The following NAV2 variants were observed in gnomAD, a reference collection of about 807,000 sequenced individuals.
The protein encoded by NAV2 is neuron navigator 2.
NAV2 carries 54 observed loss-of-function variants against 223.2 expected under a neutral mutation model. The ratio of observed to expected loss-of-function variants is 0.24; its 90% confidence interval spans 0.19 to 0.30. NAV2 has a LOEUF of 0.30. Ranked by LOEUF, NAV2 falls within the 10% of genes least tolerant of loss-of-function variation. The pLI, the probability that NAV2 is intolerant of heterozygous loss-of-function variation, is 1.00. For synonymous variants in NAV2, 1,279 were observed against 1,239.3 expected, an observed-to-expected ratio of 1.03 and a Z score of -0.67; for missense variants, 2,806 against 3,147.5, an observed-to-expected ratio of 0.89 and a Z score of 2.60.
chr11:20,030,817 A>C (rs918160373), intron 11 of NAV2, among the ~76,000 whole-genome samples: 12 of 152,370 alleles, frequency 7.9e-5, no homozygotes, highest in African/African-American at 2.9e-4. Flanking sequence ...TAAAAGTCTC[A>C]AGTAAAAAAT....
chr11:20,104,563 C>T (rs2061884614), intron 34 of NAV2: 1 of 152,402 alleles, frequency 6.6e-6, no homozygotes, highest in African/African-American at 2.4e-5. Flanking sequence ...CTTGTTCATG[C>T]TTTCCCCTAA....
At chr11:19,557,429 G>C (rs2044932959) in intron 1 of NAV2, among the ~76,000 whole-genome samples, 1 of 152,244 alleles carries the variant, frequency 6.6e-6, no homozygotes, top group African/African-American at 2.4e-5. Flanking sequence ...CCACTGTGAA[G>C]TAATCTCTTC....
chr11:19,704,315 G>A (rs1338579742), intron 1 of NAV2, among the ~76,000 whole-genome samples: 3 of 152,054 alleles, frequency 2.0e-5, no homozygotes, highest in Non-Finnish European at 4.4e-5. Flanking sequence ...AGTGCTGTGG[G>A]GATTCATTTA....
At chr11:19,585,130 G>A (rs1565074484) in intron 1 of NAV2, among the ~76,000 whole-genome samples, 1 of 152,278 alleles carries the variant, frequency 6.6e-6, no homozygotes, top group Non-Finnish European at 1.5e-5. Flanking sequence ...TTACCATTAT[G>A]TAATGGCCTT....
At chr11:19,993,606 A>G (rs766889574) in intron 11 of NAV2, among the ~76,000 whole-genome samples, 30 of 150,724 alleles carry the variant, frequency 2.0e-4, no homozygotes, top group Non-Finnish European at 4.1e-4. Flanking sequence ...CCAACGCCTT[A>G]TCATGCAGTT....
intron 1 of NAV2, among the ~76,000 whole-genome samples, chr11:19,516,309 A>G (rs2043445257): frequency 6.6e-6 from 1 of 152,134 alleles, no homozygotes; most frequent in Non-Finnish European, 1.5e-5. Context: ...TTTGAGCCCC[A>G]CAATACCGAA....
chr11:20,102,386 A>G (rs563486074), intron 32 of NAV2, among the ~76,000 whole-genome samples: 4 of 152,174 alleles, frequency 2.6e-5, no homozygotes, highest in Admixed American at 1.3e-4. Flanking sequence ...TGGTGAAGAC[A>G]CAGACTGGGG....
chr11:19,351,075 T>C, intron 1 of NAV2: 1 of 1,493,432 alleles, frequency 6.7e-7, no homozygotes, highest in Non-Finnish European at 9.1e-7. Context: ...TGCTGATTGC[T>C]AAGTGTGATT....
chr11:19,928,185 T>A (rs2044963319), intron 6 of NAV2, among the ~76,000 whole-genome samples: 1 of 149,746 alleles, frequency 6.7e-6, no homozygotes, highest in Admixed American at 6.7e-5. Context: ...GCGTGATTTT[T>A]GCCAAATCTG....
At chr11:19,904,854 G>A (rs2042737255) in intron 6 of NAV2, among the ~76,000 whole-genome samples, 1 of 152,174 alleles carries the variant, frequency 6.6e-6, no homozygotes, top group South Asian at 2.1e-4. Flanking sequence ...GATGCTACAG[G>A]TGAGGTTTCT....
rs2063334549 is a variant in NAV2, at chr11:20,118,883, T to C, written c.*625T>C. ...AAACCGTGCTTTCATGTTTTTTAAATGGTGCTTTCCTTACCCGAGAGGTAT... is the reference window on the plus strand; with the variant it reads ...AAACCGTGCTTTCATGTTTTTTAAACGGTGCTTTCCTTACCCGAGAGGTAT... On this transcript the variant is annotated 3_prime_UTR_variant, in exon 38 of 38. Coordinates refer to ENST00000349880, the MANE Select transcript of NAV2 (RefSeq NM_145117.5). 1 of 152,772 alleles carries C rather than the reference T, an allele frequency of 6.5e-6. No homozygotes were observed. Among genetic ancestry groups the C allele is most frequent in the Non-Finnish European group, 1.5e-5 (1 of 68,182 alleles). 9.5% of individuals were successfully genotyped at this position (152,772 alleles called of 1,614,324 possible).
intron 1 of NAV2, among the ~76,000 whole-genome samples, chr11:19,645,576 G>T: frequency 6.6e-6 from 1 of 152,124 alleles, no homozygotes; most frequent in Non-Finnish European, 1.5e-5. Flanking sequence ...CCCTAGTCTG[G>T]CAACTAACAA....
At chr11:19,401,571 G>A (rs1317207016) in intron 1 of NAV2, among the ~76,000 whole-genome samples, 2 of 152,278 alleles carry the variant, frequency 1.3e-5, no homozygotes, top group Middle Eastern at 3.4e-3. Flanking sequence ...ACAGAACGAT[G>A]CAGTTGAAGG....
intron 11 of NAV2, among the ~76,000 whole-genome samples, chr11:20,034,723 C>T (rs1402214610): frequency 1.3e-5 from 2 of 152,204 alleles, no homozygotes; most frequent in Non-Finnish European, 2.9e-5. Flanking sequence ...TACATATCTG[C>T]TACACCACAG....
chr11:19,819,844 T>C (rs1195875664), intron 1 of NAV2, among the ~76,000 whole-genome samples: 1 of 152,234 alleles, frequency 6.6e-6, no homozygotes, highest in Non-Finnish European at 1.5e-5. Context: ...AAAGCCTCAG[T>C]GTAGTCTGTG....
intron 1 of NAV2, among the ~76,000 whole-genome samples, chr11:19,650,431 G>A (rs1006177541): frequency 2.0e-5 from 3 of 152,122 alleles, no homozygotes; most frequent in African/African-American, 7.2e-5. Context: ...CTAACACCTT[G>A]ATTTTGGACT....
intron 1 of NAV2, among the ~76,000 whole-genome samples, chr11:19,672,426 T>C (rs1415923421): frequency 6.6e-6 from 1 of 152,242 alleles, no homozygotes; most frequent in Non-Finnish European, 1.5e-5. Flanking sequence ...GCTTGGGTTC[T>C]ATTCCTGGCT....
chr11:19,513,116 G>A (rs553850103), intron 1 of NAV2, among the ~76,000 whole-genome samples: 12 of 152,236 alleles, frequency 7.9e-5, no homozygotes, highest in African/African-American at 1.4e-4. Context: ...TGTGATGACC[G>A]GGCATTTTTA....
At chr11:19,523,710 G>T (rs1221293692) in intron 1 of NAV2, among the ~76,000 whole-genome samples, 1 of 152,194 alleles carries the variant, frequency 6.6e-6, no homozygotes, top group African/African-American at 2.4e-5. Flanking sequence ...GCAAGAGCTT[G>T]ATCAAGGTTT....
Sources: gnomAD v4.1 joint callset for allele counts (sites outside exome capture counted in the v4.1 genomes callset) on GRCh38, gnomAD v4.1.1 for gene constraint, MANE v1.5 for transcripts, NCBI Gene and HGNC (gene_info 2026-07-23, HGNC 2026-07-21) for gene names.